Variants in ERCC3 observed in about 807,000 individuals in gnomAD.
ERCC3 encodes general transcription and DNA repair factor IIH helicase/translocase subunit XPB.
ERCC3 carries 66 observed loss-of-function variants against 94.2 expected under a neutral mutation model. That is an observed-to-expected ratio of 0.70 (90% CI 0.57 to 0.86). The LOEUF is 0.86. Ranked by LOEUF, ERCC3 falls within the 40% of genes least tolerant of loss-of-function variation. The pLI is 0.00. For missense variants in ERCC3, 829 were observed against 987.1 expected, an observed-to-expected ratio of 0.84 and a Z score of 2.15; for synonymous variants, 349 against 369.1, an observed-to-expected ratio of 0.95 and a Z score of 0.63.
chr2:127,288,583 G>T, intron 7 of ERCC3, 77 bp downstream of exon 7: 1 of 1,224,642 alleles, frequency 8.2e-7, no homozygotes, highest in Non-Finnish European at 1.2e-6. Flanking sequence ...AGGGAAATGT[G>T]CAGAGAGAAA....
Position 127,279,300 on chromosome 2 carries a change from T to C in ERCC3, c.1603A>G (p.Thr535Ala). The part of the protein sequence containing the change: ...IKTKKRILLY[T>A]MNPNKFRACQ... ...GCTCTAAATTTGTTGGGGTTCATGGTGTACAGCAAGATTCGTTTCTTGGTT... is the reference window on the plus strand; with the variant it reads ...GCTCTAAATTTGTTGGGGTTCATGGCGTACAGCAAGATTCGTTTCTTGGTT... The change falls in exon 10 of 15, where the codon ACC becomes GCC. Residue 535 changes from threonine to alanine, a missense_variant. By Grantham distance (58) the Thr-to-Ala change is moderately conservative (BLOSUM62 0). Coordinates refer to ENST00000285398, the MANE Select transcript of ERCC3 (RefSeq NM_000122.2). The surrounding 1 kb of genome is among the most constrained non-coding windows in gnomAD (Gnocchi z 4.7). The C allele has an allele frequency of 6.2e-7, 1 of 1,614,100 alleles. No homozygotes were observed. The highest frequency in any genetic ancestry group is 1.1e-5 in the South Asian group (1 of 91,084).
At chr2:127,287,130 C>A in intron 7 of ERCC3, 113 bp from the exon 8 acceptor site, 1 of 782,586 alleles carries the variant, frequency 1.3e-6, no homozygotes, top group Non-Finnish European at 2.1e-6. Flanking sequence ...TAACAGTCCA[C>A]ATAGCTGACA....
chr2:127,289,422 A>T lies in ERCC3; in HGVS notation c.737T>A (p.Met246Lys), dbSNP rs779588545. 2 of 1,613,340 alleles carry T rather than the reference A, an allele frequency of 1.2e-6. No individual in the cohort carries two copies. The highest frequency in any genetic ancestry group is 1.7e-6 in the Non-Finnish European group (2 of 1,179,918). ...TTGCTCATAGAAGTCAAACAGGTCC[A>T]TGGGGATGTCAGATTTACCCTGTGG... ...TDPQGKSDIP[M>K]DLFDFYEQMD... The change falls in exon 6 of 15, where the codon ATG becomes AAG. Residue 246 changes from methionine (M) to lysine (K), a missense_variant. Met to Lys is a moderately conservative substitution (Grantham distance 95). Transcript: ENST00000285398.
At position 127,287,721 on chromosome 2, in the gene ERCC3, A is replaced by G. The variant is rs1030349177; in HGVS notation, c.1028-704T>C. On this transcript the variant is annotated intron_variant, in intron 7 of 14. Transcript: ENST00000285398. The stretch of plus-strand genomic sequence containing the variant: ...CGGGACAGTGAAGCTACTGGGTCCC[A>G]GCATGCCTGGCCCACAGAAGGAGGC... Among the ~76,000 whole-genome samples, 3 of 152,338 alleles carry G rather than the reference A, an allele frequency of 2.0e-5. No individual in the cohort carries two copies. In the South Asian group the frequency reaches 6.2e-4, roughly 32 times the overall value.
In ERCC3 at chr2:127,274,640, C is replaced by T. The variant is rs576536141; in HGVS notation, c.1731-1679G>A. ...TGCCTTGCCGTGATCCAGAATGTCC[C>T]GGCCACCACATAATTTTATCATTTT... On this transcript the variant is annotated intron_variant, in intron 10 of 14. Coordinates refer to ENST00000285398, the MANE Select transcript of ERCC3 (RefSeq NM_000122.2). The surrounding 1 kb of genome is among the most constrained non-coding windows in gnomAD (Gnocchi z 4.0). 3.9e-5 allele frequency among the ~76,000 whole-genome samples: 6 copies of T among 152,322 alleles called. No individual in the cohort carries two copies. The East Asian group carries it at 7.7e-4, about 20-fold the overall frequency.
Position 127,291,253 on chromosome 2 carries a change from T to C in ERCC3, c.472-980A>G, listed in dbSNP as rs371747360. On this transcript the variant is annotated intron_variant, in intron 3 of 14. Coordinates refer to ENST00000285398, the MANE Select transcript of ERCC3 (RefSeq NM_000122.2). This position sits in a 1 kb window ranked among gnomAD's most constrained non-coding sequence, Gnocchi z 4.9. ...TACAAGGTCCTCTCCTTGGGCACGC[T>C]TTCTTTTTTGTTGTTGTTCTGAGGC... 6.0e-4 allele frequency among the ~76,000 whole-genome samples: 91 copies of C among 152,172 alleles called. 1 individual carries two copies. The South Asian group carries it at 9.5e-3, about 16-fold the overall frequency.
At chr2:127,286,657 G>C in intron 8 of ERCC3, 46 bp downstream of exon 8, 1 of 1,578,510 alleles carries the variant, frequency 6.3e-7, no homozygotes, top group Middle Eastern at 1.7e-4. Flanking sequence ...ACTGGAAATT[G>C]GTTTGTCTGT....
intron 11 of ERCC3, among the ~76,000 whole-genome samples, chr2:127,272,499 G>A (rs1292489259): frequency 2.6e-5 from 4 of 152,170 alleles, no homozygotes; most frequent in African/African-American, 9.7e-5. Context: ...GACAAAGGCT[G>A]CCGCGACACA....
In ERCC3 at chr2:127,259,333, T is replaced by A. The variant is rs944132286; in HGVS notation, c.2180A>T (p.Glu727Val). 2 of 1,614,116 alleles carry A rather than the reference T, an allele frequency of 1.2e-6. No homozygotes were observed. The highest frequency in any genetic ancestry group is 1.7e-6 in the Non-Finnish European group (2 of 1,180,006). Residue 727 changes from glutamate (E) to valine (V), a missense_variant, in exon 14 of 15, where the codon GAG (glutamate) becomes GTG (valine). Glu to Val is a moderately radical substitution (Grantham distance 121). Transcript: ENST00000285398. The surrounding 1 kb of genome is among the most constrained non-coding windows in gnomAD (Gnocchi z 4.9). Reference protein sequence around the residue: ...LAATDLDAEEEVVAGEFGSRS... With the variant: ...LAATDLDAEEVVVAGEFGSRS... ...GGAGCCAAATTCCCCAGCCACCACC[T>A]CCTCCTCGGCATCCAGGTCAGTGGC... is the stretch of plus-strand genomic sequence containing the variant.
intron 1 of ERCC3, 67 bp from the exon 2 acceptor site, chr2:127,293,785 AGCATTTCACCTGC>A: frequency 6.2e-7 from 1 of 1,602,298 alleles, no homozygotes; most frequent in African/African-American, 1.3e-5. Context: ...ACCGCTTGGC[AGCATTTCACCTGC>A]GCCGCCGCAA....
Position 127,258,770 on chromosome 2 carries a change from A to G in ERCC3, c.2217+526T>C, listed in dbSNP as rs1288717462. Reference sequence around the variant, plus strand: ...TGGCCTAGAGCAGGCATATTTGTAGAATAAATGAAAGGTTGAGTATTTTCA... The same window carrying G: ...TGGCCTAGAGCAGGCATATTTGTAGGATAAATGAAAGGTTGAGTATTTTCA... On this transcript the variant is annotated intron_variant, in intron 14 of 14. Transcript: ENST00000285398. The surrounding 1 kb of genome is among the most constrained non-coding windows in gnomAD (Gnocchi z 4.1). Among the ~76,000 whole-genome samples, 1 of 152,246 alleles carries G rather than the reference A, an allele frequency of 6.6e-6. No homozygotes were observed. The highest frequency in any genetic ancestry group is 1.9e-4 in the East Asian group (1 of 5,198).
At chr2:127,287,696 C>T (rs986997587) in intron 7 of ERCC3, among the ~76,000 whole-genome samples, 2 of 152,124 alleles carry the variant, frequency 1.3e-5, no homozygotes, top group South Asian at 4.1e-4. Flanking sequence ...CCCACAGCCA[C>T]GGGACAGTGA....
chr2:127,288,309 AGCCCC>A (rs1685146384), intron 7 of ERCC3, among the ~76,000 whole-genome samples: 1 of 152,226 alleles, frequency 6.6e-6, no homozygotes, highest in Non-Finnish European at 1.5e-5. Flanking sequence ...TAAGTGCAAC[AGCCCC>A]TTGCCATCAT....
rs1684683998 is a variant in ERCC3, at chr2:127,274,842, G to C, written c.1731-1881C>G. On this transcript the variant is annotated intron_variant, in intron 10 of 14. Coordinates refer to ENST00000285398, the MANE Select transcript of ERCC3 (RefSeq NM_000122.2). The surrounding 1 kb of genome is among the most constrained non-coding windows in gnomAD (Gnocchi z 4.0). ...CCACACAGATGAAATAGAAGGAAAA[G>C]CACCCTCCAAGTGGAGAATGTCACA... Among the ~76,000 whole-genome samples the C allele has an allele frequency of 6.6e-6, 1 of 152,078 alleles. No homozygotes were observed. Among genetic ancestry groups the C allele is most frequent in the African/African-American group, 2.4e-5 (1 of 41,402 alleles).
Position 127,285,139 on chromosome 2 carries a change from T to C in ERCC3, c.1342+1564A>G, listed in dbSNP as rs977561079. Among the ~76,000 whole-genome samples the C allele has an allele frequency of 1.3e-5, 2 of 152,314 alleles. 1 individual carries two copies. Among genetic ancestry groups the C allele is most frequent in the South Asian group, 4.1e-4 (2 of 4,830 alleles). ...TGAAAGAAGCCAGACATAATATATATTGTATGATTGTGTTTATATAAATTT... is the reference window on the plus strand; with the variant it reads ...TGAAAGAAGCCAGACATAATATATACTGTATGATTGTGTTTATATAAATTT... On this transcript the variant is annotated intron_variant, in intron 8 of 14. Coordinates refer to ENST00000285398, the MANE Select transcript of ERCC3 (RefSeq NM_000122.2).
At chr2:127,265,379 T>C (rs1293609229) in intron 12 of ERCC3, among the ~76,000 whole-genome samples, 2 of 152,170 alleles carry the variant, frequency 1.3e-5, no homozygotes, top group Non-Finnish European at 2.9e-5. Context: ...CTTATTTGGA[T>C]CTTCTCTTTT....
At chr2:127,283,272 C>G (rs2104765940) in intron 8 of ERCC3, among the ~76,000 whole-genome samples, 1 of 152,148 alleles carries the variant, frequency 6.6e-6, no homozygotes, top group Non-Finnish European at 1.5e-5. Context: ...CATCTCTGAC[C>G]CCCCACTTCT....
At chr2:127,268,259 TTTTG>T (rs1558950606) in intron 12 of ERCC3, among the ~76,000 whole-genome samples, 1 of 151,856 alleles carries the variant, frequency 6.6e-6, no homozygotes, top group Non-Finnish European at 1.5e-5. Flanking sequence ...TGGCCTGTTT[TTTTG>T]TTTGTTTTTG....
rs1684998963 is a variant in ERCC3 at position 127,284,158 on chromosome 2, TC to T, written c.1342+2544del. On this transcript the variant is annotated intron_variant, in intron 8 of 14. Coordinates refer to ENST00000285398, the MANE Select transcript of ERCC3 (RefSeq NM_000122.2). This position sits in a 1 kb window ranked among gnomAD's most constrained non-coding sequence, Gnocchi z 4.1. ...ATCACGCCTTCATCCTTACTGGGAT[TC>T]CACAAACTCACCTCACCGCTTCTGT... 6.6e-6 allele frequency: 1 copy of T among 152,292 alleles called. No individual in the cohort carries two copies. Among genetic ancestry groups the T allele is most frequent in the African/African-American group, 2.4e-5 (1 of 41,460 alleles). The allele number at this position is 152,292 out of a possible 1,614,324, so 9.4% of individuals were successfully genotyped here.
Sources: gnomAD v4.1 joint callset for allele counts (sites outside exome capture counted in the v4.1 genomes callset) on GRCh38, gnomAD v4.1.1 for gene constraint, Gnocchi (gnomAD v3.1) non-coding constraint, MANE v1.5 for transcripts, NCBI Gene and HGNC (gene_info 2026-07-23, HGNC 2026-07-21) for gene names.